The following SEMA5A variants were observed in gnomAD, a reference collection of about 807,000 sequenced individuals.
SEMA5A encodes semaphorin 5A.
Under a neutral mutation model 135.5 loss-of-function variants are expected in SEMA5A, and 55 were observed. The observed-to-expected ratio is 0.41, with a 90% confidence interval of 0.33 to 0.51. The LOEUF (loss-of-function observed/expected upper bound fraction) is 0.51. SEMA5A is among the 20% of genes least tolerant of loss of function. SEMA5A has a pLI of 0.37. For missense variants in SEMA5A, 1,290 were observed against 1,419.9 expected (o/e 0.91, Z 1.47); for synonymous variants, 580 against 546.5 (o/e 1.06, Z -0.85).
At chr5:9,410,714 T>A (rs115753601) in intron 2 of SEMA5A, among the ~76,000 whole-genome samples, 6 of 151,410 alleles carry the variant, frequency 4.0e-5, no homozygotes, top group Admixed American at 4.0e-4. Flanking sequence ...TTTTAGGAGG[T>A]GGGGGTGAGG....
chr5:9,494,182 G>T (rs1413620984), intron 1 of SEMA5A, among the ~76,000 whole-genome samples: 2 of 152,250 alleles, frequency 1.3e-5, no homozygotes, highest in East Asian at 3.9e-4. Context: ...TAAAATTTAA[G>T]ATGTAATTTA....
chr5:9,403,475 G>A (rs145330636), intron 2 of SEMA5A, among the ~76,000 whole-genome samples: 3,110 of 152,176 alleles, frequency 0.02, 48 homozygotes, highest in Non-Finnish European at 0.03. Flanking sequence ...GACTTTGGGC[G>A]AGTTATTTCA....
chr5:9,263,292 G>A (rs1192729848), intron 5 of SEMA5A, among the ~76,000 whole-genome samples: 1 of 152,168 alleles, frequency 6.6e-6, no homozygotes, highest in South Asian at 2.1e-4. Flanking sequence ...GGCCTGTTAG[G>A]AACCAGGCCG....
At chr5:9,258,374 T>C (rs1749197798) in intron 5 of SEMA5A, among the ~76,000 whole-genome samples, 1 of 152,206 alleles carries the variant, frequency 6.6e-6, no homozygotes, top group Non-Finnish European at 1.5e-5. Context: ...AGGTTACCTA[T>C]TGAAGACTGG....
At position 9,231,380 on chromosome 5, in the gene SEMA5A, T is replaced by C. The variant is rs551220197; in HGVS notation, c.334-4413A>G. ...TACTCAAGAGACTGAAGTGGGAGAA[T>C]TTCTTGAACTCAGGAGGCGGAGCTT... On this transcript the variant is annotated intron_variant, in intron 6 of 22. Transcript: ENST00000382496. 2.2e-5 allele frequency among the ~76,000 whole-genome samples: 3 copies of C among 136,136 alleles called. No homozygotes were observed. The South Asian group carries it at 6.9e-4, about 31-fold the overall frequency. The allele number at this position is 136,136 out of a possible 152,430, so 89.3% of individuals were successfully genotyped here.
At chr5:9,128,100 A>G (rs1741215716) in intron 13 of SEMA5A, among the ~76,000 whole-genome samples, 1 of 152,224 alleles carries the variant, frequency 6.6e-6, no homozygotes, top group African/African-American at 2.4e-5. Flanking sequence ...AGTACTTTGA[A>G]AAAAAGAGGA....
intron 13 of SEMA5A, among the ~76,000 whole-genome samples, chr5:9,133,785 T>TTC (rs386402982): frequency 5.9e-5 from 1 of 17,014 alleles, no homozygotes; most frequent in Non-Finnish European, 9.5e-4. Context: ...TCTTTCTTTC[T>TTC]TTTTTTTTTT....
chr5:9,488,293 A>G (rs928284332), intron 1 of SEMA5A, among the ~76,000 whole-genome samples: 1 of 152,146 alleles, frequency 6.6e-6, no homozygotes, highest in Non-Finnish European at 1.5e-5. Context: ...ATGTCCACCT[A>G]CACATGAACC....
chr5:9,407,358 A>T (rs1756927801), intron 2 of SEMA5A, among the ~76,000 whole-genome samples: 1 of 152,260 alleles, frequency 6.6e-6, no homozygotes, highest in Non-Finnish European at 1.5e-5. Flanking sequence ...TCAAAACTGT[A>T]TCCTGAATTA....
chr5:9,414,087 C>A (rs142732636), intron 2 of SEMA5A, among the ~76,000 whole-genome samples: 24 of 152,068 alleles, frequency 1.6e-4, no homozygotes, highest in South Asian at 1.0e-3. Context: ...CAAAAGGATA[C>A]CCAACCCTTT....
intron 11 of SEMA5A, among the ~76,000 whole-genome samples, chr5:9,185,717 T>G (rs2150337984): frequency 6.6e-6 from 1 of 152,306 alleles, no homozygotes; most frequent in South Asian, 2.1e-4. Flanking sequence ...TATATACAAT[T>G]TAAGGTTCAA....
intron 5 of SEMA5A, among the ~76,000 whole-genome samples, chr5:9,275,562 G>T (rs538384307): frequency 4.9e-4 from 75 of 152,278 alleles, no homozygotes; most frequent in African/African-American, 1.7e-3. Flanking sequence ...TATCCCTGAT[G>T]ATCATCGATG....
chr5:9,140,380 A>C (rs929759978), intron 12 of SEMA5A, among the ~76,000 whole-genome samples: 6 of 152,228 alleles, frequency 3.9e-5, no homozygotes, highest in Admixed American at 2.0e-4. Flanking sequence ...GACCATGAAA[A>C]GTGTGCATTT....
chr5:9,452,342 G>A (rs536045444), intron 1 of SEMA5A, among the ~76,000 whole-genome samples: 4 of 152,250 alleles, frequency 2.6e-5, no homozygotes, highest in East Asian at 1.9e-4. Flanking sequence ...TTTGCTTCCC[G>A]GAGCTGAAGC....
At chr5:9,096,424 A>T (rs1457402616) in intron 16 of SEMA5A, among the ~76,000 whole-genome samples, 5 of 152,082 alleles carry the variant, frequency 3.3e-5, no homozygotes, top group Admixed American at 2.0e-4. Flanking sequence ...TTTATATTTC[A>T]CATCTAAGTG....
intron 4 of SEMA5A, among the ~76,000 whole-genome samples, chr5:9,333,240 C>T (rs1475892354): frequency 6.6e-6 from 1 of 152,142 alleles, no homozygotes; most frequent in Non-Finnish European, 1.5e-5. Context: ...CACATCTTCC[C>T]CACAGTTCAG....
chr5:9,509,021 G>A (rs1736061375), intron 1 of SEMA5A, among the ~76,000 whole-genome samples: 1 of 152,030 alleles, frequency 6.6e-6, no homozygotes, highest in Non-Finnish European at 1.5e-5. Context: ...AAAAAGAGAA[G>A]GGAGTTTACA....
chr5:9,077,128 T>G (rs1343205144), intron 16 of SEMA5A, among the ~76,000 whole-genome samples: 1 of 152,148 alleles, frequency 6.6e-6, no homozygotes, highest in East Asian at 1.9e-4. Context: ...TCCAATCCTC[T>G]GCAAAACATC....
At chr5:9,149,313 G>A (rs1254038261) in intron 12 of SEMA5A, among the ~76,000 whole-genome samples, 3 of 152,148 alleles carry the variant, frequency 2.0e-5, no homozygotes, top group African/African-American at 4.8e-5. Flanking sequence ...CCAACATGCT[G>A]ATCCACTCCA....
Sources: allele counts gnomAD v4.1 joint callset (sites outside exome capture counted in the v4.1 genomes callset), GRCh38; gene constraint gnomAD v4.1.1; transcripts MANE v1.5; gene names NCBI Gene and HGNC (gene_info 2026-07-23, HGNC 2026-07-21).